Variants in HK1 observed in about 807,000 individuals in gnomAD.
HK1 encodes the protein hexokinase-1.
HK1 carries 28 observed loss-of-function variants against 91.6 expected under a neutral mutation model. That is an observed-to-expected ratio of 0.31 (90% CI 0.23 to 0.42). The LOEUF (loss-of-function observed/expected upper bound fraction) is 0.42, where lower values mean the gene tolerates loss of function less well. Ranked by LOEUF, HK1 falls within the 10% of genes least tolerant of loss-of-function variation. HK1 has a pLI of 1.00. For synonymous variants in HK1, 430 were observed against 468.1 expected (o/e 0.92, Z 1.05); for missense variants, 770 against 1,219.8 (o/e 0.63, Z 5.49).
intron 2 of HK1, among the ~76,000 whole-genome samples, chr10:69,356,936 A>G (rs943919724): frequency 6.6e-6 from 1 of 152,026 alleles, no homozygotes; most frequent in African/African-American, 2.4e-5. Flanking sequence ...TAAAATGAGC[A>G]AAGGATCTGA....
At chr10:69,346,721 A>C (rs1848581905) in intron 2 of HK1, among the ~76,000 whole-genome samples, 1 of 151,954 alleles carries the variant, frequency 6.6e-6, no homozygotes, top group Non-Finnish European at 1.5e-5. Context: ...CATTAAAAAA[A>C]CCCCAAAAAC....
At chr10:69,283,648 G>A (rs1844874691) in intron 2 of HK1, among the ~76,000 whole-genome samples, 1 of 150,898 alleles carries the variant, frequency 6.6e-6, no homozygotes, top group Admixed American at 6.6e-5. Flanking sequence ...AGGCATGGTG[G>A]CAGGCAACTG....
intron 7 of HK1, among the ~76,000 whole-genome samples, chr10:69,371,334 C>T (rs547021996): frequency 6.7e-6 from 1 of 150,000 alleles, no homozygotes; most frequent in Non-Finnish European, 1.5e-5. Flanking sequence ...CCACCCCGCC[C>T]AATCCATTGA....
At chr10:69,334,795 GAC>G (rs1847895910) in intron 1 of HK1, among the ~76,000 whole-genome samples, 1 of 152,186 alleles carries the variant, frequency 6.6e-6, no homozygotes, top group Non-Finnish European at 1.5e-5. Context: ...GCCCAGGAAA[GAC>G]ACACACCACG....
intron 2 of HK1, among the ~76,000 whole-genome samples, chr10:69,346,277 G>A (rs1436559298): frequency 2.6e-5 from 4 of 152,166 alleles, no homozygotes; most frequent in Non-Finnish European, 5.9e-5. Flanking sequence ...CCCAAACCAC[G>A]GAGGGATAAA....
chr10:69,384,296 C>T, intron 10 of HK1, 37 bp from the exon 11 acceptor site: 1 of 1,614,080 alleles, frequency 6.2e-7, no homozygotes, highest in South Asian at 1.1e-5. Flanking sequence ...AGGCACTTAG[C>T]TGTTTTTGAC....
intron 17 of HK1, 48 bp from the exon 18 acceptor site, chr10:69,400,943 C>T (rs17489948): frequency 0.052 from 83,406 of 1,607,998 alleles, 2,535 homozygotes; most frequent in Non-Finnish European, 0.061. Context: ...GTAGGCCCAG[C>T]GTCTCTCATC....
At chr10:69,345,379 C>T (rs147343533) in intron 2 of HK1, among the ~76,000 whole-genome samples, 222 of 152,240 alleles carry the variant, frequency 1.5e-3, no homozygotes, top group African/African-American at 4.9e-3. Context: ...TGGGTGTGTT[C>T]GCTTGTCTCT....
At position 69,369,430 on chromosome 10, in the gene HK1, G is replaced by A. The variant is rs772454394; in HGVS notation, c.692-11G>A. ...TTGTGTGGTCATAGCTTCTGATCTT[G>A]TCCTGCCCAGGCACTGGCACCAATG... On this transcript the variant is annotated splice_polypyrimidine_tract_variant and intron_variant, in intron 6 of 17. Coordinates refer to ENST00000359426, the MANE Select transcript of HK1 (RefSeq NM_000188.3). The surrounding 1 kb of genome is among the most constrained non-coding windows in gnomAD (Gnocchi z 4.4). 2 of 1,614,218 alleles carry A rather than the reference G, an allele frequency of 1.2e-6. No individual in the cohort carries two copies. Among genetic ancestry groups the A allele is most frequent in the Non-Finnish European group, 1.7e-6 (2 of 1,180,040 alleles).
intron 7 of HK1, among the ~76,000 whole-genome samples, chr10:69,371,731 TG>T (rs1206696980): frequency 1.3e-5 from 2 of 152,226 alleles, no homozygotes; most frequent in Non-Finnish European, 2.9e-5. Context: ...CATTGATGTT[TG>T]CCTGAAATTT....
chr10:69,375,507 G>A (rs573176181), intron 7 of HK1, among the ~76,000 whole-genome samples: 6 of 152,282 alleles, frequency 3.9e-5, no homozygotes, highest in Admixed American at 1.3e-4. Context: ...AGGCGGTCAC[G>A]TCTGGTTCTG....
At chr10:69,290,808 G>A (rs577104722) in intron 3 of HK1, among the ~76,000 whole-genome samples, 13 of 152,266 alleles carry the variant, frequency 8.5e-5, no homozygotes, top group African/African-American at 3.1e-4. Context: ...CCCCTCTCAG[G>A]CTTTTGAGAG....
chr10:69,359,874 A>G (rs1485736533), intron 2 of HK1, 23 bp from the exon 3 acceptor site: 16 of 1,612,708 alleles, frequency 9.9e-6, no homozygotes, highest in Non-Finnish European at 1.3e-5. Context: ...ATCTCATGTG[A>G]TACCTGTTGT....
upstream of HK1, chr10:69,315,879 T>C (rs1846610860): frequency 4.1e-6 from 6 of 1,451,446 alleles, no homozygotes; most frequent in Non-Finnish European, 2.9e-6. Context: ...TACCACAACC[T>C]GACACTGGGC....
At chr10:69,291,990 C>G (rs560110519) in intron 3 of HK1, among the ~76,000 whole-genome samples, 2 of 152,308 alleles carry the variant, frequency 1.3e-5, no homozygotes, top group African/African-American at 4.8e-5. Flanking sequence ...TGTGGAAAAC[C>G]TGCCTGGATT....
At position 69,301,783 on chromosome 10, in the gene HK1, T is replaced by C. The variant is rs747145185; in HGVS notation, c.27+922T>C. The stretch of plus-strand genomic sequence containing the variant: ...AGACACTATTGTTAAGGTGGTAAAC[T>C]CCCCAAATTAATATATAGATTCAAC... On this transcript the variant is annotated intron_variant, in intron 5 of 21. Transcript: ENST00000360289. Among the ~76,000 whole-genome samples, 143 of 152,198 alleles carry C rather than the reference T, an allele frequency of 9.4e-4. 1 individual carries two copies. Among genetic ancestry groups the C allele is most frequent in the Admixed American group, 2.2e-3 (33 of 15,284 alleles).
At chr10:69,311,265 C>A (rs954102520), upstream of HK1, among the ~76,000 whole-genome samples, 1 of 152,266 alleles carries the variant, frequency 6.6e-6, no homozygotes, top group African/African-American at 2.4e-5. Context: ...TGTCTGACAC[C>A]CCCATTCCAT....
In HK1 at chr10:69,369,157, C is replaced by CT; in HGVS notation, c.592-78dup. 3.7e-6 allele frequency: 4 copies of CT among 1,076,996 alleles called. No individual in the cohort carries two copies. The highest frequency in any genetic ancestry group is 5.7e-6 in the Non-Finnish European group (4 of 698,514). The allele number at this position is 1,076,996 out of a possible 1,614,324, so 66.7% of individuals were successfully genotyped here. A position where few individuals can be genotyped will look rare whatever the true frequency, so the allele number is the denominator to read the frequency against. ...AGCAGGGGTTCTGAAAACGGGAGCA[C>CT]TTCTGCCAAGCGCTGTTAAGGTGTG... is the stretch of plus-strand genomic sequence containing the variant. On this transcript the variant is annotated intron_variant, in intron 5 of 17. Coordinates refer to ENST00000359426, the MANE Select transcript of HK1 (RefSeq NM_000188.3). The surrounding 1 kb of genome is among the most constrained non-coding windows in gnomAD (Gnocchi z 4.4).
chr10:69,338,406 C>G, intron 1 of HK1: 1 of 1,227,214 alleles, frequency 8.1e-7, no homozygotes. Context: ...TGACCAGAGT[C>G]CCACATATTC....
Sources: gnomAD v4.1 joint callset for allele counts (sites outside exome capture counted in the v4.1 genomes callset) on GRCh38, gnomAD v4.1.1 for gene constraint, Gnocchi (gnomAD v3.1) non-coding constraint, MANE v1.5 for transcripts, NCBI Gene and HGNC (gene_info 2026-07-23, HGNC 2026-07-21) for gene names.